EPB41L4A: variants seen among roughly 807,000 people sequenced by gnomAD.
EPB41L4A encodes erythrocyte membrane protein band 4.1 like 4A.
EPB41L4A carries 100 observed loss-of-function variants against 108.6 expected under a neutral mutation model. That is an observed-to-expected ratio of 0.92 (90% confidence interval 0.78 to 1.09). The LOEUF (loss-of-function observed/expected upper bound fraction) is 1.09. EPB41L4A is among the 50% of genes least tolerant of loss of function. The probability of loss-of-function intolerance (pLI) is 0.00; values close to 1 mark genes in which losing one functional copy is unlikely to be tolerated. For missense variants in EPB41L4A, 1,030 were observed against 842.7 expected, an observed-to-expected ratio of 1.22 and a Z score of -2.75; for synonymous variants, 319 against 289.0, an observed-to-expected ratio of 1.10 and a Z score of -1.05.
intron 12 of EPB41L4A, among the ~76,000 whole-genome samples, chr5:112,225,766 T>C (rs573422272): frequency 1.3e-5 from 2 of 152,360 alleles, no homozygotes; most frequent in Admixed American, 1.3e-4. Context: ...TTATATACCA[T>C]ATCCTGGAGA....
intron 18 of EPB41L4A, among the ~76,000 whole-genome samples, chr5:112,177,945 C>T (rs1426262705): frequency 6.6e-6 from 1 of 151,144 alleles, no homozygotes; most frequent in Non-Finnish European, 1.5e-5. Flanking sequence ...GAAAAAAGAA[C>T]AAGATGGTAG....
At chr5:112,307,649 A>T (rs1754783219) in intron 1 of EPB41L4A, among the ~76,000 whole-genome samples, 159 bp from the exon 2 acceptor site, 1 of 152,172 alleles carries the variant, frequency 6.6e-6, no homozygotes, top group South Asian at 2.1e-4. Context: ...ATGAAGAAAA[A>T]AACGTGATTT....
chr5:112,282,871 CA>C (rs1753057770), intron 2 of EPB41L4A, among the ~76,000 whole-genome samples: 1 of 152,100 alleles, frequency 6.6e-6, no homozygotes, highest in Non-Finnish European at 1.5e-5. Flanking sequence ...TCCCAAAAGA[CA>C]ACCTTTGTAA....
chr5:112,211,430 A>AT (rs1218371293), intron 12 of EPB41L4A, among the ~76,000 whole-genome samples: 1 of 152,148 alleles, frequency 6.6e-6, no homozygotes, highest in Non-Finnish European at 1.5e-5. Flanking sequence ...AAAAATATAA[A>AT]AATTAGCTGG....
intron 1 of EPB41L4A, among the ~76,000 whole-genome samples, chr5:112,388,158 G>C (rs929850443): frequency 3.3e-5 from 5 of 152,112 alleles, no homozygotes; most frequent in Non-Finnish European, 7.4e-5. Flanking sequence ...TACCCTTACA[G>C]TATCTGGTTA....
chr5:112,269,363 ATAAAG>A (rs1412396622), intron 4 of EPB41L4A, among the ~76,000 whole-genome samples: 1 of 152,174 alleles, frequency 6.6e-6, no homozygotes, highest in African/African-American at 2.4e-5. Flanking sequence ...CAAATTTGTG[ATAAAG>A]TAAAATCATA....
intron 6 of EPB41L4A, among the ~76,000 whole-genome samples, 191 bp from the exon 7 acceptor site, chr5:112,262,772 AT>A (rs1269160537): frequency 5.3e-5 from 8 of 152,232 alleles, no homozygotes; most frequent in African/African-American, 1.9e-4. Flanking sequence ...TGATACTTAT[AT>A]TAATTTCATT....
At position 112,274,942 on chromosome 5, in the gene EPB41L4A, A is replaced by G. The variant is rs527864850; in HGVS notation, c.335+384T>C. Among the ~76,000 whole-genome samples, 3 of 152,362 alleles carry G rather than the reference A, an allele frequency of 2.0e-5. No individual in the cohort carries two copies. The South Asian group carries it at 6.2e-4, about 32-fold the overall frequency. On this transcript the variant is annotated intron_variant, in intron 4 of 22. Transcript: ENST00000261486. ...AATATTTAAGCTACAACCAATTAAA[A>G]AGAAATACCTGGCTGGGCAAATGTA... is the stretch of plus-strand genomic sequence containing the variant.
intron 1 of EPB41L4A, among the ~76,000 whole-genome samples, chr5:112,398,158 ATTAC>A (rs1331377611): frequency 6.6e-6 from 1 of 152,254 alleles, no homozygotes; most frequent in Non-Finnish European, 1.5e-5. Context: ...AGTCTTAGAA[ATTAC>A]TTAGTCCAAC....
At chr5:112,390,459 G>C (rs956412968) in intron 1 of EPB41L4A, among the ~76,000 whole-genome samples, 2 of 152,148 alleles carry the variant, frequency 1.3e-5, no homozygotes, top group Non-Finnish European at 2.9e-5. Flanking sequence ...ACAGCAGTCC[G>C]AGATCGAGCT....
rs73229379 is a variant in EPB41L4A, at chr5:112,259,628, C to A, written c.731+263G>T. On this transcript the variant is annotated intron_variant, in intron 8 of 22. Transcript: ENST00000261486. ...AGTCAGAATAGTCCTGGATCCACAG[C>A]CCACCAGCACATACTGAAATGGGTG... 1.5e-3 allele frequency among the ~76,000 whole-genome samples: 224 copies of A among 152,304 alleles called. 2 individuals are homozygous for A. The highest frequency in any genetic ancestry group is 5.2e-3 in the African/African-American group (217 of 41,562).
chr5:112,161,642 A>C (rs1759912664), downstream of EPB41L4A: 2 of 518,726 alleles, frequency 3.9e-6, no homozygotes, highest in Admixed American at 3.9e-5. Flanking sequence ...TCCACGCGTG[A>C]TCTTGACCCT....
intron 18 of EPB41L4A, among the ~76,000 whole-genome samples, chr5:112,179,230 C>T (rs1761026227): frequency 6.6e-6 from 1 of 151,916 alleles, no homozygotes; most frequent in Non-Finnish European, 1.5e-5. Context: ...AAAGAACATT[C>T]CAGGCAGAGA....
chr5:112,317,900 T>C (rs1245038453), intron 1 of EPB41L4A, among the ~76,000 whole-genome samples: 1 of 152,192 alleles, frequency 6.6e-6, no homozygotes, highest in Non-Finnish European at 1.5e-5. Context: ...ACAAAAGTTC[T>C]TCCAGGTCCT....
intron 4 of EPB41L4A, among the ~76,000 whole-genome samples, chr5:112,270,126 C>T (rs1275427816): frequency 1.3e-5 from 2 of 152,120 alleles, no homozygotes; most frequent in South Asian, 2.1e-4. Flanking sequence ...AAAGAAGGGG[C>T]AGAGAGACAG....
At chr5:112,239,793 G>T in intron 10 of EPB41L4A, 56 bp from the exon 11 acceptor site, 1 of 1,191,010 alleles carries the variant, frequency 8.4e-7, no homozygotes, top group African/African-American at 1.5e-5. Flanking sequence ...GGCATTCTGG[G>T]CCACCCCCTT....
At chr5:112,379,904 T>G (rs565110487) in intron 1 of EPB41L4A, among the ~76,000 whole-genome samples, 3 of 152,216 alleles carry the variant, frequency 2.0e-5, no homozygotes, top group Admixed American at 2.0e-4. Context: ...ATGAGCCACC[T>G]TTTGCTCAAA....
At chr5:112,227,197 G>A (rs1197691082) in intron 12 of EPB41L4A, among the ~76,000 whole-genome samples, 1 of 152,094 alleles carries the variant, frequency 6.6e-6, no homozygotes, top group Non-Finnish European at 1.5e-5. Flanking sequence ...CTAGATTTAA[G>A]TGAGAGTGTC....
At position 112,181,116 on chromosome 5, in the gene EPB41L4A, T is replaced by C. The variant is rs544672465; in HGVS notation, c.1622+2900A>G. The stretch of plus-strand genomic sequence containing the variant: ...CGTATCTTGTTAGTGGAGTATAAAA[T>C]GACCCAACCTTTCTGGAAATCATTT... On this transcript the variant is annotated intron_variant, in intron 18 of 22. Transcript: ENST00000261486. Among the ~76,000 whole-genome samples, 209 of 152,264 alleles carry C rather than the reference T, an allele frequency of 1.4e-3. 1 individual carries two copies. Among genetic ancestry groups the C allele is most frequent in the African/African-American group, 4.8e-3 (199 of 41,556 alleles).
Sources: gnomAD v4.1 joint callset for allele counts (sites outside exome capture counted in the v4.1 genomes callset) on GRCh38, gnomAD v4.1.1 for gene constraint, MANE v1.5 for transcripts, NCBI Gene and HGNC (gene_info 2026-07-23, HGNC 2026-07-21) for gene names.